PLD5: variants seen among roughly 807,000 people sequenced by gnomAD.
The protein encoded by PLD5 is inactive phospholipase D5.
A neutral mutation model predicts 61.1 loss-of-function variants in PLD5; 36 were observed. The ratio of observed to expected loss-of-function variants is 0.59; its 90% confidence interval spans 0.45 to 0.78. The LOEUF (loss-of-function observed/expected upper bound fraction) is 0.78. PLD5 is among the 30% of genes least tolerant of loss of function. PLD5 has a pLI of 0.00. For missense variants in PLD5, 515 were observed against 644.4 expected, an observed-to-expected ratio of 0.80 and a Z score of 2.17; for synonymous variants, 243 against 242.8, an observed-to-expected ratio of 1.00 and a Z score of -0.01.
intron 2 of PLD5, among the ~76,000 whole-genome samples, chr1:242,334,496 A>G (rs570170871): frequency 8.5e-5 from 13 of 152,298 alleles, no homozygotes; most frequent in African/African-American, 2.9e-4. Context: ...TCCCTGGGCC[A>G]TGGAGGCATG....
chr1:242,339,314 GAAAC>G (rs367761914), intron 2 of PLD5, among the ~76,000 whole-genome samples: 153 of 152,108 alleles, frequency 1.0e-3, no homozygotes, highest in African/African-American at 1.4e-3. Context: ...TCTATTCAGG[GAAAC>G]AAACAAACAA....
At chr1:242,303,445 C>T (rs1676176058) in intron 2 of PLD5, among the ~76,000 whole-genome samples, 2 of 152,138 alleles carry the variant, frequency 1.3e-5, no homozygotes, top group Admixed American at 1.3e-4. Flanking sequence ...TTATTTCAAC[C>T]CACATTAAAA....
chr1:242,217,388 C>T (rs1037875410), intron 5 of PLD5, among the ~76,000 whole-genome samples: 4 of 152,098 alleles, frequency 2.6e-5, no homozygotes, highest in Non-Finnish European at 5.9e-5. Context: ...TTTGGGAGGC[C>T]GAAGTGGGTG....
chr1:242,374,365 G>T (rs1402125595), intron 1 of PLD5, among the ~76,000 whole-genome samples: 1 of 152,154 alleles, frequency 6.6e-6, no homozygotes, highest in Admixed American at 6.5e-5. Flanking sequence ...ATTGATCGGA[G>T]AGGCTGACAT....
At chr1:242,352,211 C>T (rs929165796) in intron 1 of PLD5, among the ~76,000 whole-genome samples, 1 of 152,164 alleles carries the variant, frequency 6.6e-6, no homozygotes, top group African/African-American at 2.4e-5. Context: ...TCTCCTCATC[C>T]CCTCTACCCA....
chr1:242,279,913 A>C (rs1674628269), intron 3 of PLD5, among the ~76,000 whole-genome samples: 1 of 152,218 alleles, frequency 6.6e-6, no homozygotes, highest in Admixed American at 6.5e-5. Flanking sequence ...CTTTTCATAT[A>C]AGTTGAAATC....
chr1:242,129,431 GA>G (rs917490574), intron 5 of PLD5, among the ~76,000 whole-genome samples: 93 of 151,898 alleles, frequency 6.1e-4, no homozygotes, highest in African/African-American at 2.2e-3. Context: ...GTCGATGATG[GA>G]AAAAAAACCA....
intron 4 of PLD5, among the ~76,000 whole-genome samples, chr1:242,246,328 T>C (rs1453223017): frequency 6.6e-6 from 1 of 152,100 alleles, no homozygotes; most frequent in East Asian, 1.9e-4. Context: ...ACTGTATAAC[T>C]GCACTGCAGC....
Position 242,093,705 on chromosome 1 carries a change from C to T in PLD5, c.1355-3595G>A, listed in dbSNP as rs560548893. Among the ~76,000 whole-genome samples, 10 of 152,064 alleles carry T rather than the reference C, an allele frequency of 6.6e-5. No individual in the cohort carries two copies. In the South Asian group the frequency reaches 1.9e-3, roughly 28 times the overall value. On this transcript the variant is annotated intron_variant, in intron 9 of 9. Transcript: ENST00000536534. ...TGTGCTTCACCCTGGACTACAATGT[C>T]GACCCCCGAGGTCAGGAGCATCATA...
At chr1:242,479,126 G>A (rs191883169) in intron 1 of PLD5, among the ~76,000 whole-genome samples, 1 of 152,308 alleles carries the variant, frequency 6.6e-6, no homozygotes, top group Non-Finnish European at 1.5e-5. Flanking sequence ...GTTGTAAACA[G>A]TTAGGAATCT....
intron 2 of PLD5, among the ~76,000 whole-genome samples, chr1:242,340,403 T>G (rs529307729): frequency 1.3e-5 from 2 of 151,948 alleles, no homozygotes; most frequent in East Asian, 3.9e-4. Flanking sequence ...GCAAAATAGA[T>G]CAAAGTTAAT....
At chr1:242,389,988 C>A (rs557403297) in intron 1 of PLD5, among the ~76,000 whole-genome samples, 1 of 148,176 alleles carries the variant, frequency 6.7e-6, no homozygotes, top group Admixed American at 6.7e-5. Context: ...ATCAAATACT[C>A]TGCTAGGAAT....
chr1:242,226,294 T>A (rs1393122690), intron 4 of PLD5, among the ~76,000 whole-genome samples: 2 of 152,170 alleles, frequency 1.3e-5, no homozygotes, highest in East Asian at 1.9e-4. Flanking sequence ...GATGCATACA[T>A]CACAATGTGA....
At chr1:242,369,726 T>C (rs533763522) in intron 1 of PLD5, among the ~76,000 whole-genome samples, 3 of 152,314 alleles carry the variant, frequency 2.0e-5, no homozygotes, top group South Asian at 2.1e-4. Flanking sequence ...CTGTCTCTTA[T>C]AGCAATGAGA....
chr1:242,113,065 A>G (rs373227927), intron 7 of PLD5, among the ~76,000 whole-genome samples: 3 of 144,018 alleles, frequency 2.1e-5, no homozygotes, highest in African/African-American at 7.7e-5. Flanking sequence ...AGATATTTGA[A>G]GTTTCTTTCT....
intron 1 of PLD5, among the ~76,000 whole-genome samples, chr1:242,350,897 C>CTT (rs149135759): frequency 4.6e-4 from 66 of 142,826 alleles, no homozygotes; most frequent in Admixed American, 8.4e-4. Flanking sequence ...CTGTTTTATT[C>CTT]TTTTTTTTTT....
At chr1:242,161,911 A>C (rs761877738) in intron 5 of PLD5, among the ~76,000 whole-genome samples, 1 of 152,162 alleles carries the variant, frequency 6.6e-6, no homozygotes, top group Non-Finnish European at 1.5e-5. Context: ...ACTCTGGTTG[A>C]TGACACTGGA....
intron 1 of PLD5, among the ~76,000 whole-genome samples, chr1:242,423,096 C>T (rs372906558): frequency 2.0e-5 from 3 of 152,240 alleles, no homozygotes; most frequent in South Asian, 4.2e-4. Flanking sequence ...AGCAATCCTC[C>T]TGCCTCGACC....
At chr1:242,394,436 ATATATGTGTGTATATGAG>A (rs1663258670) in intron 1 of PLD5, among the ~76,000 whole-genome samples, 2 of 108,588 alleles carry the variant, frequency 1.8e-5, no homozygotes, top group African/African-American at 7.8e-5. Flanking sequence ...GTATATGAGT[ATATATGTGTGTATATGAG>A]TATATATGTG....
Sources: gnomAD v4.1 joint callset for allele counts (sites outside exome capture counted in the v4.1 genomes callset) on GRCh38, gnomAD v4.1.1 for gene constraint, MANE v1.5 for transcripts, NCBI Gene and HGNC (gene_info 2026-07-23, HGNC 2026-07-21) for gene names.